Variants in JAK3 observed in about 807,000 individuals in gnomAD.
The protein encoded by JAK3 is tyrosine-protein kinase JAK3.
In JAK3, 88 loss-of-function variants were observed where a neutral mutation model predicts 120.8. The ratio of observed to expected loss-of-function variants is 0.73; its 90% CI spans 0.61 to 0.87. The LOEUF (loss-of-function observed/expected upper bound fraction) is 0.87, where lower values mean the gene tolerates loss of function less well. Ranked by LOEUF, JAK3 falls within the 40% of genes least tolerant of loss-of-function variation. The pLI is 0.00. For missense variants in JAK3, 1,254 were observed against 1,501.4 expected (o/e 0.84, Z 2.72); for synonymous variants, 592 against 628.6 (o/e 0.94, Z 0.87).
chr19:17,829,084 AG>A (rs765679107), intron 23 of JAK3, among the ~76,000 whole-genome samples: 21 of 152,130 alleles, frequency 1.4e-4, no homozygotes, highest in Non-Finnish European at 2.1e-4. Flanking sequence ...GCTTGAGCCC[AG>A]GAGTTCAAGA....
chr19:17,843,917 C>A lies in JAK3; in HGVS notation c.185-17G>T. On this transcript the variant is annotated splice_polypyrimidine_tract_variant and intron_variant, in intron 2 of 23. Transcript: ENST00000458235. The surrounding 1 kb of genome is among the most constrained non-coding windows in gnomAD (Gnocchi z 5.4). The stretch of plus-strand genomic sequence containing the variant: ...GCAGGATGCCTACAGGGGATGGTCC[C>A]ATCAGCTCCCTCCTGAGTCACCCCA... 1 of 1,613,244 alleles carries A rather than the reference C, an allele frequency of 6.2e-7. No homozygotes were observed. Among genetic ancestry groups the A allele is most frequent in the South Asian group, 1.1e-5 (1 of 91,014 alleles).
Position 17,835,067 on chromosome 19 carries a change from A to G in JAK3, c.2047+16T>C, listed in dbSNP as rs1344138719. 6.2e-7 allele frequency: 1 copy of G among 1,613,438 alleles called. No homozygotes were observed. Among genetic ancestry groups the G allele is most frequent in the Non-Finnish European group, 8.5e-7 (1 of 1,179,880 alleles). ...GCCCTGCTCAGCCCCTCCCTCCTCC[A>G]CCTCCAGGAACTTACTCTCCAGGCT... is the stretch of plus-strand genomic sequence containing the variant. On this transcript the variant is annotated intron_variant, in intron 15 of 23. Coordinates refer to ENST00000458235, the MANE Select transcript of JAK3 (RefSeq NM_000215.4).
In JAK3 at chr19:17,831,691, AAT is replaced by A; in HGVS notation, c.2786_2787del (p.Tyr929PhefsTer38). On this transcript the variant is annotated frameshift_variant, in exon 20 of 24. Coordinates refer to ENST00000458235, the MANE Select transcript of JAK3 (RefSeq NM_000215.4). LOFTEE classifies it high-confidence loss of function. This position sits in a 1 kb window ranked among gnomAD's most constrained non-coding sequence, Gnocchi z 5.1. Reference sequence around the variant, plus strand: ...CCTCGCACCTTGCAGATCTGCGAGGAATAGAGAAGGAGGCGGCTGGCATCGAG... The same window carrying A: ...CCTCGCACCTTGCAGATCTGCGAGGAAGAGAAGGAGGCGGCTGGCATCGAG... ...ARLDASRLLLYSSQICKGMEY... is the reference protein window; with the variant it reads ...ARLDASRLLLXSSQICKGMEY... 6.2e-7 allele frequency: 1 copy of A among 1,609,730 alleles called. No individual in the cohort carries two copies. The highest frequency in any genetic ancestry group is 8.5e-7 in the Non-Finnish European group (1 of 1,178,676).
At chr19:17,833,347 A>G (rs895760299) in intron 17 of JAK3, among the ~76,000 whole-genome samples, 4 of 152,074 alleles carry the variant, frequency 2.6e-5, no homozygotes, top group African/African-American at 9.7e-5. Flanking sequence ...CGGGGACCCA[A>G]CGCCTGAGGT....
rs2094215680 is a variant in JAK3, at chr19:17,832,159, G to T, written c.2680+360C>A. 6.6e-6 allele frequency among the ~76,000 whole-genome samples: 1 copy of T among 152,168 alleles called. No homozygotes were observed. The highest frequency in any genetic ancestry group is 6.5e-5 in the Admixed American group (1 of 15,272). On this transcript the variant is annotated intron_variant, in intron 19 of 23. Transcript: ENST00000458235. The surrounding 1 kb of genome is among the most constrained non-coding windows in gnomAD (Gnocchi z 4.7). ...CTCCTGTAATCCCAGCTACTCTGGA[G>T]GCTGAGGCAGGAGAATCACTTGAAC...
rs3212747 is a variant in JAK3 at position 17,839,297 on chromosome 19, G to A, written c.1441+180C>T. ...CATGGCTCACATCTAGCTGTGCCTA[G>A]ATCAAGCCAGACCTAAAGGTTATAT... On this transcript the variant is annotated intron_variant, in intron 10 of 23. Transcript: ENST00000458235. 322 of 705,358 alleles carry A rather than the reference G, an allele frequency of 4.6e-4. 1 individual carries two copies. In the African/African-American group the frequency reaches 5.2e-3, roughly 11 times the overall value. The allele number at this position is 705,358 out of a possible 1,614,324, so 43.7% of individuals were successfully genotyped here.
chr19:17,831,148 C>T lies in JAK3; in HGVS notation c.2978+80G>A. 1.6e-6 allele frequency: 2 copies of T among 1,274,180 alleles called. No individual in the cohort carries two copies. Among genetic ancestry groups the T allele is most frequent in the Non-Finnish European group, 2.0e-6 (2 of 976,446 alleles). The allele number at this position is 1,274,180 out of a possible 1,614,324, so 78.9% of individuals were successfully genotyped here. On this transcript the variant is annotated intron_variant, in intron 21 of 23. Transcript: ENST00000458235. This position sits in a 1 kb window ranked among gnomAD's most constrained non-coding sequence, Gnocchi z 5.1. ...GGGCTAAGGCTGGGGAGCAAAGCAG[C>T]GGGAGGGGGCGGGGGCATGGCTGGG...
At chr19:17,830,000 C>T in intron 23 of JAK3, 108 bp downstream of exon 23, 3 of 829,756 alleles carry the variant, frequency 3.6e-6, no homozygotes, top group African/African-American at 3.4e-5. Flanking sequence ...ATCGGCCTCA[C>T]ACTCTAGCCT....
intron 23 of JAK3, chr19:17,829,723 G>C: frequency 2.7e-6 from 1 of 367,564 alleles, no homozygotes; most frequent in Non-Finnish European, 5.0e-6. Flanking sequence ...TTGCACCCCA[G>C]CCTGGGCAAC....
In JAK3 at chr19:17,844,409, A is replaced by C. The variant is rs761013654; in HGVS notation, c.9T>G (p.Pro3=). The part of the protein sequence containing the change: MA[P]PSEETPLIPQ... ...GGATCAGGGGCGTCTCTTCACTTGG[A>C]GGTGCCATGAGTGCAACTTGCCTGG... Residue 3 remains proline (P), a synonymous_variant, in exon 2 of 24, where the codon CCT becomes CCG. Coordinates refer to ENST00000458235, the MANE Select transcript of JAK3 (RefSeq NM_000215.4). The C allele has an allele frequency of 6.2e-7, 1 of 1,610,016 alleles. No individual in the cohort carries two copies. The highest frequency in any genetic ancestry group is 8.5e-7 in the Non-Finnish European group (1 of 1,178,740).
At chr19:17,828,682 C>G (rs1057129585) in intron 23 of JAK3, among the ~76,000 whole-genome samples, 38 of 152,130 alleles carry the variant, frequency 2.5e-4, no homozygotes, top group Non-Finnish European at 1.5e-4. Context: ...AGCCATCGTG[C>G]CCAGCCTAGA....
In JAK3 at chr19:17,842,323, T is replaced by A. The variant is rs745649406; in HGVS notation, c.854A>T (p.Glu285Val). 6.3e-7 allele frequency: 1 copy of A among 1,584,110 alleles called. No homozygotes were observed. The highest frequency in any genetic ancestry group is 8.5e-7 in the Non-Finnish European group (1 of 1,171,194). ...GGGGGAGTCCGCCCTCACCTCCTGT[T>A]CTCCCTGGGTCCAGGCGATGCCGCC... ...GDGGIAWTQG[E>V]QEVLQPFCDF... is the part of the protein sequence containing the mutation. The change falls in exon 6 of 24, where the codon GAA (glutamate) becomes GTA (valine). Residue 285 changes from glutamate (E) to valine (V), a missense_variant. Physicochemically the swap from Glu to Val is moderately radical, Grantham distance 121. This residue lies in a region of JAK3 where 486 missense variants were observed against 503.0 expected (regional missense o/e 0.97). Transcript: ENST00000458235. The surrounding 1 kb of genome is among the most constrained non-coding windows in gnomAD (Gnocchi z 6.4).
chr19:17,837,928 T>C lies in JAK3; in HGVS notation c.1701+4A>G. 1 of 1,614,004 alleles carries C rather than the reference T, an allele frequency of 6.2e-7. No homozygotes were observed. Among genetic ancestry groups the C allele is most frequent in the Non-Finnish European group, 8.5e-7 (1 of 1,179,956 alleles). ...TCCAAAAGTCTGGTCCACATTGCTC[T>C]CACCTCCATGCAGTTCTTGTGCTTG... On this transcript the variant is annotated splice_donor_region_variant and intron_variant, in intron 12 of 23. Transcript: ENST00000458235.
rs769468599 is a variant in JAK3, at chr19:17,843,122, C to T, written c.471G>A (p.Lys157=). 8 of 1,609,674 alleles carry T rather than the reference C, an allele frequency of 5.0e-6. 1 individual carries two copies. In the South Asian group the frequency reaches 8.8e-5, roughly 18 times the overall value. Residue 157 remains lysine, a synonymous_variant, in exon 5 of 24, where the codon AAG becomes AAA. Transcript: ENST00000458235. This position sits in a 1 kb window ranked among gnomAD's most constrained non-coding sequence, Gnocchi z 5.4. The part of the protein sequence containing the change: ...SGRLPVGLSL[K]EQGECLSLAV... The stretch of plus-strand genomic sequence containing the variant: ...CCAGGCTGAGACACTCACCCTGCTC[C>T]TTGAGACTGAGGCCCACGGGGAGGC...
In JAK3 at chr19:17,844,248, G is replaced by T; in HGVS notation, c.170C>A (p.Ala57Asp). The T allele has an allele frequency of 6.3e-7, 1 of 1,597,540 alleles. No homozygotes were observed. The highest frequency in any genetic ancestry group is 8.5e-7 in the Non-Finnish European group (1 of 1,173,286). The change falls in exon 2 of 24, where the codon GCT becomes GAT. Residue 57 changes from alanine to aspartate, a missense_variant. Physicochemically the swap from Ala to Asp is moderately radical, Grantham distance 126 (BLOSUM62 -2). This residue lies in a region of JAK3 where 138 missense variants were observed against 178.7 expected (regional missense o/e 0.77). Transcript: ENST00000458235. ...GATGCACTCACCGCTGGCCTTGGCA[G>T]CCTGCACGCACAGGTCCTCAGCCAA... The part of the protein sequence containing the change: ...DHLAEDLCVQ[A>D]AKASGILPVY...
chr19:17,843,347 AC>A lies in JAK3; in HGVS notation c.420+32del. 1.3e-6 allele frequency: 2 copies of A among 1,540,024 alleles called. No individual in the cohort carries two copies. Among genetic ancestry groups the A allele is most frequent in the African/African-American group, 1.4e-5 (1 of 72,832 alleles). ...CCTCATGTTGCCCCTTGGACCCCCA[AC>A]CCCCTGGGTCAAACCCCAGGCAGAA... On this transcript the variant is annotated intron_variant, in intron 4 of 23. Transcript: ENST00000458235. The surrounding 1 kb of genome is among the most constrained non-coding windows in gnomAD (Gnocchi z 5.4).
chr19:17,846,747 G>C (rs1192940311), intron 1 of JAK3, among the ~76,000 whole-genome samples: 3 of 152,092 alleles, frequency 2.0e-5, no homozygotes, highest in African/African-American at 7.2e-5. Context: ...ACAGCGCCCA[G>C]CTAATTTTTG....
intron 22 of JAK3, 85 bp downstream of exon 22, chr19:17,830,418 G>A: frequency 1.8e-6 from 2 of 1,127,046 alleles, no homozygotes; most frequent in Non-Finnish European, 2.6e-6. Context: ...ATGCTAAAGA[G>A]GGACGCAGGC....
At chr19:17,837,003 C>T (rs2094225568) in intron 13 of JAK3, 126 bp downstream of exon 13, 10 of 720,446 alleles carry the variant, frequency 1.4e-5, no homozygotes, top group East Asian at 8.1e-5. Context: ...GTAATGAACA[C>T]GGCTCCCATC....
Sources: allele counts gnomAD v4.1 joint callset (sites outside exome capture counted in the v4.1 genomes callset), GRCh38; gene constraint gnomAD v4.1.1; regional missense constraint gnomAD v4.1.1; non-coding constraint Gnocchi (gnomAD v3.1); transcripts MANE v1.5; gene names NCBI Gene and HGNC (gene_info 2026-07-23, HGNC 2026-07-21).